Variants in SEC24B observed in about 807,000 individuals in gnomAD.
SEC24B encodes the protein SEC24 homolog B, COPII component, also known as protein transport protein Sec24B.
SEC24B carries 45 observed loss-of-function variants against 142.8 expected under a neutral mutation model. The ratio of observed to expected loss-of-function variants is 0.32; its 90% CI spans 0.25 to 0.40. The LOEUF (loss-of-function observed/expected upper bound fraction) is 0.40, where lower values mean the gene tolerates loss of function less well. SEC24B is among the 10% of genes least tolerant of loss of function. The probability of loss-of-function intolerance (pLI) is 1.00; values close to 1 mark genes in which losing one functional copy is unlikely to be tolerated. For synonymous variants in SEC24B, 574 were observed against 568.2 expected, an observed-to-expected ratio of 1.01 and a Z score of -0.15; for missense variants, 1,409 against 1,526.8, an observed-to-expected ratio of 0.92 and a Z score of 1.29.
At chr4:109,520,994 A>G in intron 12 of SEC24B, 123 bp from the exon 13 acceptor site, 2 of 639,268 alleles carry the variant, frequency 3.1e-6, no homozygotes. Context: ...CTCCATCTCA[A>G]AAAAATAAAT....
intron 20 of SEC24B, among the ~76,000 whole-genome samples, chr4:109,532,379 A>G (rs1180806800): frequency 6.6e-6 from 1 of 152,024 alleles, no homozygotes; most frequent in Non-Finnish European, 1.5e-5. Flanking sequence ...CACACTTGTA[A>G]TATATTCTGA....
In SEC24B at chr4:109,494,623, T is replaced by G; in HGVS notation, c.1255T>G (p.Ser419Ala). ...LEGGSYPDMLSSSASSPAPDP... is the reference protein window; with the variant it reads ...LEGGSYPDMLASSASSPAPDP... Reference sequence around the variant, plus strand: ...GTGTTTCCATTTTTTAGATATGCTTTCTTCATCAGCAAGCAGTCCTGCTCC... The same window carrying G: ...GTGTTTCCATTTTTTAGATATGCTTGCTTCATCAGCAAGCAGTCCTGCTCC... The change falls in exon 6 of 24, where the codon TCT becomes GCT. Residue 419 changes from serine to alanine, a missense_variant. Ser to Ala is a moderately conservative substitution (Grantham distance 99). Transcript: ENST00000265175. The G allele has an allele frequency of 6.2e-7, 1 of 1,613,966 alleles. No individual in the cohort carries two copies.
At chr4:109,484,602 G>A (rs1280045918) in intron 4 of SEC24B, among the ~76,000 whole-genome samples, 1 of 152,164 alleles carries the variant, frequency 6.6e-6, no homozygotes, top group Non-Finnish European at 1.5e-5. Context: ...TGTAATCCCA[G>A]CACTTTGGAA....
At position 109,527,310 on chromosome 4, in the gene SEC24B, CTTT is replaced by C. The variant is rs752204701; in HGVS notation, c.2966-5_2966-3del. On this transcript the variant is annotated splice_polypyrimidine_tract_variant and intron_variant, in intron 17 of 23. Coordinates refer to ENST00000265175, the MANE Select transcript of SEC24B (RefSeq NM_006323.5). The stretch of plus-strand genomic sequence containing the variant: ...TTTTGATCTAATGTATTTTCAATGA[CTTT>C]TTTTTTAGGTGAGCGGAGAATTAGA... The C allele has an allele frequency of 4.0e-6, 6 of 1,513,570 alleles. No homozygotes were observed. In the South Asian group the frequency reaches 7.2e-5, roughly 18 times the overall value. The allele number at this position is 1,513,570 out of a possible 1,614,324, so 93.8% of individuals were successfully genotyped here.
intron 1 of SEC24B, among the ~76,000 whole-genome samples, chr4:109,435,500 C>G (rs980697375): frequency 2.6e-5 from 4 of 152,156 alleles, no homozygotes; most frequent in African/African-American, 7.2e-5. Context: ...AGGATTGTGT[C>G]TTTCCTTGAT....
chr4:109,480,163 A>G (rs1379943942), intron 3 of SEC24B, among the ~76,000 whole-genome samples: 2 of 152,106 alleles, frequency 1.3e-5, no homozygotes, highest in African/African-American at 4.8e-5. Flanking sequence ...TCAAAGCTTC[A>G]TTCATCTACA....
At position 109,471,079 on chromosome 4, in the gene SEC24B, G is replaced by GTA. The variant is rs1732471908; in HGVS notation, c.878-1918_878-1917dup. Among the ~76,000 whole-genome samples, 4 of 145,000 alleles carry GTA rather than the reference G, an allele frequency of 2.8e-5. No homozygotes were observed. The South Asian group carries it at 8.3e-4, about 30-fold the overall frequency. On this transcript the variant is annotated intron_variant, in intron 2 of 23. Transcript: ENST00000265175. ...TATTTATTTTATTATGCATATATAT[G>GTA]TATATATACACATACATACATGTGT... is the stretch of plus-strand genomic sequence containing the variant.
chr4:109,530,624 A>T (rs972035325), intron 19 of SEC24B, among the ~76,000 whole-genome samples, 160 bp downstream of exon 19: 1 of 152,152 alleles, frequency 6.6e-6, no homozygotes, highest in African/African-American at 2.4e-5. Context: ...CAATGGGGCC[A>T]TGCATGGTGG....
At position 109,463,130 on chromosome 4, in the gene SEC24B, T is replaced by C. The variant is rs768618798; in HGVS notation, c.363T>C (p.Pro121=). 2 of 1,614,078 alleles carry C rather than the reference T, an allele frequency of 1.2e-6. 1 individual carries two copies. The highest frequency in any genetic ancestry group is 2.2e-5 in the South Asian group (2 of 91,074). ...PGAQQLYSRG[P]PAPHIVGSTL... is the part of the protein sequence containing the mutation. ...CACAGCAGTTGTACAGCAGGGGTCC[T>C]CCTGCCCCTCATATTGTGGGATCCA... The change falls in exon 2 of 24, where the codon CCT becomes CCC. Residue 121 remains proline (P), a synonymous_variant. Coordinates refer to ENST00000265175, the MANE Select transcript of SEC24B (RefSeq NM_006323.5).
chr4:109,498,529 T>C (rs1735771584), intron 6 of SEC24B, among the ~76,000 whole-genome samples: 1 of 152,118 alleles, frequency 6.6e-6, no homozygotes, highest in Admixed American at 6.5e-5. Flanking sequence ...CATGCCCAGC[T>C]AATTTTTTGT....
At position 109,511,947 on chromosome 4, in the gene SEC24B, T is replaced by C. The variant is rs1236067526; in HGVS notation, c.1777-10T>C. The C allele has an allele frequency of 1.2e-6, 2 of 1,610,418 alleles. No individual in the cohort carries two copies. Among genetic ancestry groups the C allele is most frequent in the African/African-American group, 2.7e-5 (2 of 74,622 alleles). On this transcript the variant is annotated splice_polypyrimidine_tract_variant and intron_variant, in intron 8 of 23. Coordinates refer to ENST00000265175, the MANE Select transcript of SEC24B (RefSeq NM_006323.5). ...TTTTTCTGCTACAGCTTCTTTATTT[T>C]ATTTCCTAGCAATTACCAGTGATAA...
rs550370534 is a variant in SEC24B at position 109,522,762 on chromosome 4, T to C, written c.2508+1136T>C. Among the ~76,000 whole-genome samples, 3 of 152,234 alleles carry C rather than the reference T, an allele frequency of 2.0e-5. No individual in the cohort carries two copies. The South Asian group carries it at 6.2e-4, about 32-fold the overall frequency. On this transcript the variant is annotated intron_variant, in intron 14 of 23. Transcript: ENST00000265175. ...TGGACATCATACGTGTGTGTGTGTA[T>C]ATATATGTGTGTGTGTTTGACCTTT... is the stretch of plus-strand genomic sequence containing the variant.
At position 109,530,338 on chromosome 4, in the gene SEC24B, A is replaced by G. The variant is rs1240945018; in HGVS notation, c.3126A>G (p.Leu1042=). 1 of 1,614,012 alleles carries G rather than the reference A, an allele frequency of 6.2e-7. No individual in the cohort carries two copies. The highest frequency in any genetic ancestry group is 2.2e-5 in the East Asian group (1 of 44,884). Residue 1042 remains leucine, a synonymous_variant, in exon 19 of 24, where the codon TTA becomes TTG. Coordinates refer to ENST00000265175, the MANE Select transcript of SEC24B (RefSeq NM_006323.5). The part of the protein sequence containing the change: ...SSSLSDARDA[L]VNAVVDSLSA... ...GTCTGTCAGATGCAAGAGATGCCTT[A>G]GTGAATGCTGTAGTGGACTCATTGT...
chr4:109,524,057 T>C (rs1006499353), intron 14 of SEC24B, among the ~76,000 whole-genome samples: 1 of 152,188 alleles, frequency 6.6e-6, no homozygotes, highest in Non-Finnish European at 1.5e-5. Context: ...CAATCCATTA[T>C]AAATTACTGT....
intron 1 of SEC24B, among the ~76,000 whole-genome samples, chr4:109,457,669 G>T (rs1730819756): frequency 6.6e-6 from 1 of 152,220 alleles, no homozygotes; most frequent in Non-Finnish European, 1.5e-5. Flanking sequence ...TGCTCCTTCT[G>T]TAGGCTCATA....
In SEC24B at chr4:109,510,103, G is replaced by T; in HGVS notation, c.1768G>T (p.Asp590Tyr). 1 of 1,579,200 alleles carries T rather than the reference G, an allele frequency of 6.3e-7. No homozygotes were observed. Among genetic ancestry groups the T allele is most frequent in the South Asian group, 1.1e-5 (1 of 87,812 alleles). ...AGGATTGTTGTTACATCCCTTCAGA[G>T]ACCTAACGGTAAAGTAACATTTTAT... ...PLGLLLHPFR[D>Y]LTQLPVITSN... The change falls in exon 8 of 24, where the codon GAC becomes TAC. Residue 590 changes from aspartate (D) to tyrosine (Y), a missense_variant. Asp to Tyr is a radical substitution (Grantham distance 160, BLOSUM62 -3). This residue lies in a region of SEC24B where 700 missense variants were observed against 853.3 expected (regional missense o/e 0.82). Transcript: ENST00000265175.
chr4:109,470,791 T>C (rs1732440663), intron 2 of SEC24B, among the ~76,000 whole-genome samples: 1 of 152,190 alleles, frequency 6.6e-6, no homozygotes, highest in South Asian at 2.1e-4. Context: ...GCTGCACTCA[T>C]TAACATGACT....
intron 22 of SEC24B, 106 bp downstream of exon 22, chr4:109,533,791 T>C (rs1264692174): frequency 1.3e-6 from 1 of 786,910 alleles, no homozygotes; most frequent in African/African-American, 1.8e-5. Context: ...TCAGTAATTT[T>C]TGGTATTACA....
At chr4:109,462,802 T>G in intron 1 of SEC24B, 99 bp from the exon 2 acceptor site, 2 of 982,230 alleles carry the variant, frequency 2.0e-6, no homozygotes, top group Non-Finnish European at 3.0e-6. Context: ...TAAGTTGGGA[T>G]TATGGAAAAG....
Sources: allele counts gnomAD v4.1 joint callset (sites outside exome capture counted in the v4.1 genomes callset), GRCh38; gene constraint gnomAD v4.1.1; regional missense constraint gnomAD v4.1.1; transcripts MANE v1.5; gene names NCBI Gene and HGNC (gene_info 2026-07-23, HGNC 2026-07-21).